The following EXOC6B variants were observed in gnomAD, a reference collection of about 807,000 sequenced individuals.
EXOC6B encodes SEC15 homolog B.
A neutral mutation model predicts 113.5 loss-of-function variants in EXOC6B; 54 were observed. The observed-to-expected ratio is 0.48, with a 90% CI of 0.38 to 0.60. The LOEUF (loss-of-function observed/expected upper bound fraction) is 0.60. Ranked by LOEUF, EXOC6B falls within the 20% of genes least tolerant of loss-of-function variation. EXOC6B has a pLI of 0.00. For missense variants in EXOC6B, 797 were observed against 977.5 expected, an observed-to-expected ratio of 0.82 and a Z score of 2.46; for synonymous variants, 357 against 339.0, an observed-to-expected ratio of 1.05 and a Z score of -0.58.
chr2:72,632,859 T>TTTTTTA (rs1672567643), intron 6 of EXOC6B, among the ~76,000 whole-genome samples: 1 of 152,046 alleles, frequency 6.6e-6, no homozygotes, highest in African/African-American at 2.4e-5. Flanking sequence ...TTTGTTAATA[T>TTTTTTA]TTGATAGAGT....
intron 6 of EXOC6B, among the ~76,000 whole-genome samples, chr2:72,596,975 G>C (rs1229865316): frequency 6.6e-6 from 1 of 150,946 alleles, no homozygotes; most frequent in African/African-American, 2.4e-5. Flanking sequence ...CTATCAGAGA[G>C]GGTGGAATGG....
chr2:72,618,417 C>G (rs544558708), intron 6 of EXOC6B, among the ~76,000 whole-genome samples: 1 of 152,172 alleles, frequency 6.6e-6, no homozygotes, highest in African/African-American at 2.4e-5. Flanking sequence ...TTATTGTGTT[C>G]TGAGAAAAAG....
Position 72,741,488 on chromosome 2 carries a change from C to T in EXOC6B, c.114-19G>A, listed in dbSNP as rs747119458. On this transcript the variant is annotated intron_variant, in intron 1 of 21. Transcript: ENST00000272427. Reference sequence around the variant, plus strand: ...AACAGACCTTTAAAAAAAAATGGCACGAAGATTATACCATGGTTACTTCTA... The same window carrying T: ...AACAGACCTTTAAAAAAAAATGGCATGAAGATTATACCATGGTTACTTCTA... 7 of 1,589,494 alleles carry T rather than the reference C, an allele frequency of 4.4e-6. No homozygotes were observed. The highest frequency in any genetic ancestry group is 4.5e-5 in the East Asian group (2 of 44,408).
rs752417464 is a variant in EXOC6B at position 72,184,111 on chromosome 2, C to A, written c.2273G>T (p.Arg758Leu). 6.4e-7 allele frequency: 1 copy of A among 1,566,004 alleles called. No homozygotes were observed. Among genetic ancestry groups the A allele is most frequent in the African/African-American group, 1.4e-5 (1 of 73,784 alleles). ...DYGQPNCKYL[R>L]VNPVTALTLL... is the part of the protein sequence containing the mutation. Reference sequence around the variant, plus strand: ...GGTCAGAGCAGTCACTGGGTTTACCCGGAGGTACTTGCAGTTGGGCTGACC... The same window carrying A: ...GGTCAGAGCAGTCACTGGGTTTACCAGGAGGTACTTGCAGTTGGGCTGACC... Residue 758 changes from arginine (R) to leucine (L), a missense_variant, in exon 21 of 22, where the codon CGG becomes CTG. Coordinates refer to ENST00000272427, the MANE Select transcript of EXOC6B (RefSeq NM_015189.3).
intron 20 of EXOC6B, among the ~76,000 whole-genome samples, chr2:72,329,814 T>C (rs1688332012): frequency 6.6e-6 from 1 of 152,110 alleles, no homozygotes. Context: ...ATAGCAGCAG[T>C]ATTTGTTCAA....
chr2:72,762,377 G>T (rs1296024059), intron 1 of EXOC6B, among the ~76,000 whole-genome samples: 1 of 152,004 alleles, frequency 6.6e-6, no homozygotes, highest in Admixed American at 6.6e-5. Flanking sequence ...GTCAGAAAAG[G>T]CTTCTTGGAG....
At chr2:72,765,879 C>T (rs969606711) in intron 1 of EXOC6B, among the ~76,000 whole-genome samples, 2 of 152,090 alleles carry the variant, frequency 1.3e-5, no homozygotes, top group African/African-American at 2.4e-5. Context: ...GACCAAAAGG[C>T]AGGAAAATCA....
At chr2:72,605,711 G>A (rs1670713377) in intron 6 of EXOC6B, among the ~76,000 whole-genome samples, 1 of 152,068 alleles carries the variant, frequency 6.6e-6, no homozygotes, top group Non-Finnish European at 1.5e-5. Flanking sequence ...TCCATTCCAG[G>A]CAAACAACTT....
chr2:72,630,790 A>G (rs1672338601), intron 6 of EXOC6B, among the ~76,000 whole-genome samples: 1 of 152,240 alleles, frequency 6.6e-6, no homozygotes, highest in Non-Finnish European at 1.5e-5. Context: ...AAACAATTAA[A>G]TAGTAGAAAT....
chr2:72,343,443 A>C (rs566762765), intron 19 of EXOC6B, among the ~76,000 whole-genome samples: 40 of 152,318 alleles, frequency 2.6e-4, no homozygotes, highest in African/African-American at 8.7e-4. Flanking sequence ...CAAAACAAAA[A>C]GAAGTTGCCA....
chr2:72,216,278 A>G (rs1680524114), intron 20 of EXOC6B, among the ~76,000 whole-genome samples: 1 of 152,256 alleles, frequency 6.6e-6, no homozygotes, highest in Non-Finnish European at 1.5e-5. Flanking sequence ...GAAGACATTT[A>G]TGCATCTGAC....
chr2:72,326,419 G>A (rs2104847925), intron 20 of EXOC6B, among the ~76,000 whole-genome samples: 1 of 152,218 alleles, frequency 6.6e-6, no homozygotes, highest in Non-Finnish European at 1.5e-5. Context: ...AGGCAGCAAG[G>A]CGTCTCACAG....
At chr2:72,795,914 C>T (rs2105058350) in intron 1 of EXOC6B, among the ~76,000 whole-genome samples, 1 of 152,050 alleles carries the variant, frequency 6.6e-6, no homozygotes, top group South Asian at 2.1e-4. Flanking sequence ...GCAACCTCTG[C>T]CTCCCAAGTT....
intron 6 of EXOC6B, among the ~76,000 whole-genome samples, chr2:72,662,634 G>A (rs533647265): frequency 5.3e-4 from 81 of 152,134 alleles, no homozygotes; most frequent in Non-Finnish European, 9.7e-4. Context: ...ATAAAACCTA[G>A]GGGAAAAAGC....
intron 20 of EXOC6B, among the ~76,000 whole-genome samples, chr2:72,304,397 C>T (rs914463365): frequency 6.6e-6 from 1 of 152,022 alleles, no homozygotes; most frequent in African/African-American, 2.4e-5. Context: ...TCAAGCTGTC[C>T]TCAAACATGC....
chr2:72,779,748 A>G (rs1436138696), intron 1 of EXOC6B, among the ~76,000 whole-genome samples: 1 of 152,156 alleles, frequency 6.6e-6, no homozygotes, highest in Non-Finnish European at 1.5e-5. Flanking sequence ...GGGGAATCAG[A>G]TCATTTTCCT....
chr2:72,302,118 G>T (rs890467757), intron 20 of EXOC6B, among the ~76,000 whole-genome samples: 1 of 152,136 alleles, frequency 6.6e-6, no homozygotes, highest in Non-Finnish European at 1.5e-5. Flanking sequence ...TCAGGAGCAG[G>T]TTGTTTAATT....
intron 1 of EXOC6B, among the ~76,000 whole-genome samples, chr2:72,749,332 C>T (rs1681897157): frequency 6.6e-6 from 1 of 152,028 alleles, no homozygotes; most frequent in Admixed American, 6.6e-5. Context: ...AACACTTAAA[C>T]ATGTGATGTT....
At chr2:72,346,405 C>T (rs1050522264) in intron 19 of EXOC6B, among the ~76,000 whole-genome samples, 4 of 152,112 alleles carry the variant, frequency 2.6e-5, no homozygotes, top group Non-Finnish European at 5.9e-5. Flanking sequence ...TGACAACATA[C>T]ATTTACCTGG....
Sources: gnomAD v4.1 joint callset for allele counts (sites outside exome capture counted in the v4.1 genomes callset) on GRCh38, gnomAD v4.1.1 for gene constraint, MANE v1.5 for transcripts, NCBI Gene and HGNC (gene_info 2026-07-23, HGNC 2026-07-21) for gene names.